Variants in NEGR1 observed in about 807,000 individuals in gnomAD.
NEGR1 encodes the protein neuronal growth regulator 1.
NEGR1 carries 10 observed loss-of-function variants against 40.9 expected under a neutral mutation model. The observed-to-expected ratio is 0.24, with a 90% CI of 0.15 to 0.42. The LOEUF (loss-of-function observed/expected upper bound fraction) is 0.42, where lower values mean the gene tolerates loss of function less well. NEGR1 is among the 10% of genes least tolerant of loss of function. NEGR1 has a pLI of 1.00. For missense variants in NEGR1, 352 were observed against 438.9 expected (o/e 0.80, Z 1.77); for synonymous variants, 185 against 166.8 (o/e 1.11, Z -0.84).
intron 1 of NEGR1, among the ~76,000 whole-genome samples, chr1:72,145,685 C>T (rs1650879578): frequency 1.3e-5 from 2 of 152,000 alleles, no homozygotes. Context: ...AGTTGATATC[C>T]TAGGATAATT....
At chr1:72,252,684 G>C (rs922228736) in intron 1 of NEGR1, among the ~76,000 whole-genome samples, 1 of 152,168 alleles carries the variant, frequency 6.6e-6, no homozygotes, top group Non-Finnish European at 1.5e-5. Flanking sequence ...GAGAGACGGA[G>C]AGAGTAAGAG....
chr1:71,997,308 C>T (rs1011250101), intron 1 of NEGR1, among the ~76,000 whole-genome samples: 1 of 151,964 alleles, frequency 6.6e-6, no homozygotes, highest in Non-Finnish European at 1.5e-5. Flanking sequence ...AATTCCACTA[C>T]TATCTCCTCA....
chr1:72,111,551 C>T (rs1415203621), intron 1 of NEGR1, among the ~76,000 whole-genome samples: 1 of 151,586 alleles, frequency 6.6e-6, no homozygotes, highest in East Asian at 1.9e-4. Context: ...CAGTGTTAGA[C>T]ATAGTATGAC....
intron 3 of NEGR1, among the ~76,000 whole-genome samples, chr1:71,770,493 A>G (rs1656279588): frequency 1.3e-5 from 2 of 152,234 alleles, no homozygotes; most frequent in Admixed American, 1.3e-4. Context: ...AGCAAAATGT[A>G]ATGATTCTAA....
intron 6 of NEGR1, among the ~76,000 whole-genome samples, chr1:71,511,522 A>T (rs1647072973): frequency 6.6e-6 from 1 of 152,222 alleles, no homozygotes; most frequent in South Asian, 2.1e-4. Flanking sequence ...TCAGAGGCTC[A>T]ACTGAACATA....
At chr1:71,900,593 G>A (rs1489149064) in intron 2 of NEGR1, among the ~76,000 whole-genome samples, 1 of 151,898 alleles carries the variant, frequency 6.6e-6, no homozygotes, top group African/African-American at 2.4e-5. Context: ...TAACTTGCAG[G>A]GTAACCAACT....
intron 6 of NEGR1, among the ~76,000 whole-genome samples, chr1:71,445,835 G>A (rs1243050106): frequency 6.6e-6 from 1 of 152,176 alleles, no homozygotes; most frequent in Non-Finnish European, 1.5e-5. Context: ...CATTCCCAAG[G>A]ACATTTAGTA....
intron 5 of NEGR1, among the ~76,000 whole-genome samples, chr1:71,601,071 A>C (rs1300710419): frequency 6.6e-6 from 1 of 152,226 alleles, no homozygotes; most frequent in Non-Finnish European, 1.5e-5. Context: ...TCACGGAAAT[A>C]AGCAAATACT....
At chr1:71,489,608 C>A (rs1002846743) in intron 6 of NEGR1, 1 of 151,878 alleles carries the variant, frequency 6.6e-6, no homozygotes, top group African/African-American at 2.4e-5. Context: ...CTAGTAGAGT[C>A]ATGATTTAAT....
At chr1:71,716,413 T>G (rs546045679) in intron 3 of NEGR1, among the ~76,000 whole-genome samples, 1 of 152,128 alleles carries the variant, frequency 6.6e-6, no homozygotes, top group East Asian at 2.0e-4. Context: ...AATTTCAATT[T>G]TACCCCACCA....
chr1:71,474,112 G>A (rs1194110281), intron 6 of NEGR1, among the ~76,000 whole-genome samples: 1 of 151,538 alleles, frequency 6.6e-6, no homozygotes, highest in Non-Finnish European at 1.5e-5. Flanking sequence ...GCATACCTAG[G>A]GTAAGAAAGT....
intron 2 of NEGR1, among the ~76,000 whole-genome samples, chr1:71,908,526 A>C (rs1037047334): frequency 6.6e-6 from 1 of 152,132 alleles, no homozygotes; most frequent in African/African-American, 2.4e-5. Context: ...TAACGTCAGA[A>C]GGCAGACCAC....
At chr1:71,548,763 G>A (rs1210988840) in intron 6 of NEGR1, among the ~76,000 whole-genome samples, 1 of 151,642 alleles carries the variant, frequency 6.6e-6, no homozygotes, top group Non-Finnish European at 1.5e-5. Context: ...GGCTTTAAGA[G>A]CCCTGGGGTA....
intron 3 of NEGR1, among the ~76,000 whole-genome samples, chr1:71,749,191 T>C (rs1655488159): frequency 6.6e-6 from 1 of 152,172 alleles, no homozygotes; most frequent in Non-Finnish European, 1.5e-5. Context: ...AAGAAAACAC[T>C]TTTTCCTGTT....
At chr1:71,662,075 G>A (rs939965548) in intron 4 of NEGR1, among the ~76,000 whole-genome samples, 3 of 152,230 alleles carry the variant, frequency 2.0e-5, no homozygotes, top group African/African-American at 7.2e-5. Flanking sequence ...ATGGGAAGCA[G>A]TATCATCTAG....
At chr1:71,572,926 CA>C (rs1315801580) in intron 6 of NEGR1, among the ~76,000 whole-genome samples, 9 of 152,142 alleles carry the variant, frequency 5.9e-5, no homozygotes, top group Non-Finnish European at 1.0e-4. Context: ...AAGCAATTTT[CA>C]GTTACTGTGA....
intron 3 of NEGR1, among the ~76,000 whole-genome samples, chr1:71,723,195 AT>A (rs1654567433): frequency 6.6e-6 from 1 of 152,056 alleles, no homozygotes; most frequent in African/African-American, 2.4e-5. Flanking sequence ...CTTAGAATTC[AT>A]TGAACATCTT....
chr1:72,171,490 A>T (rs962292940), intron 1 of NEGR1, among the ~76,000 whole-genome samples: 1 of 152,202 alleles, frequency 6.6e-6, no homozygotes, highest in African/African-American at 2.4e-5. Flanking sequence ...ATGTTTACAT[A>T]CAAGAACCTT....
At chr1:71,860,259 T>G (rs765612246) in intron 2 of NEGR1, among the ~76,000 whole-genome samples, 4 of 151,910 alleles carry the variant, frequency 2.6e-5, no homozygotes, top group Non-Finnish European at 4.4e-5. Context: ...TACGCTTGCT[T>G]GCTTGTTTTA....
Sources: allele counts gnomAD v4.1 joint callset (sites outside exome capture counted in the v4.1 genomes callset), GRCh38; gene constraint gnomAD v4.1.1; transcripts MANE v1.5; gene names NCBI Gene and HGNC (gene_info 2026-07-23, HGNC 2026-07-21).